The following DLC1 variants were observed in gnomAD, a reference collection of about 807,000 sequenced individuals.
DLC1 encodes rho GTPase-activating protein 7.
A neutral mutation model predicts 140.3 loss-of-function variants in DLC1; 54 were observed. The observed-to-expected ratio is 0.38, with a 90% CI of 0.31 to 0.48. The LOEUF (loss-of-function observed/expected upper bound fraction) is 0.48. DLC1 is among the 20% of genes least tolerant of loss of function. The pLI, the probability that DLC1 is intolerant of heterozygous loss-of-function variation, is 0.96. For missense variants in DLC1, 2,536 were observed against 1,907.0 expected (o/e 1.33, Z -6.14); for synonymous variants, 986 against 728.1 (o/e 1.35, Z -5.70).
At chr8:13,376,446 C>G (rs935005843) in intron 4 of DLC1, among the ~76,000 whole-genome samples, 1 of 152,110 alleles carries the variant, frequency 6.6e-6, no homozygotes, top group Non-Finnish European at 1.5e-5. Flanking sequence ...GGAATCCCAC[C>G]CATCTATGAG....
rs561426140 is a variant in DLC1, at chr8:13,545,300, A to G, written c.-125-45104T>C. 3.3e-5 allele frequency among the ~76,000 whole-genome samples: 5 copies of G among 150,470 alleles called. No homozygotes were observed. The South Asian group carries it at 1.0e-3, about 31-fold the overall frequency. On this transcript the variant is annotated intron_variant, in intron 1 of 1. Transcript: ENST00000631382. ...GAGGTCTATAATGTAAAGATCTTAT[A>G]CTATATATATATGCTACTATATATA...
At chr8:13,562,928 A>G (rs2117385634) in intron 1 of DLC1, among the ~76,000 whole-genome samples, 1 of 152,238 alleles carries the variant, frequency 6.6e-6, no homozygotes, top group Admixed American at 6.5e-5. Context: ...AAAACGCCAT[A>G]AAGCAATGTG....
At chr8:13,234,958 G>A (rs1463184460) in intron 5 of DLC1, among the ~76,000 whole-genome samples, 1 of 152,072 alleles carries the variant, frequency 6.6e-6, no homozygotes, top group Non-Finnish European at 1.5e-5. Flanking sequence ...AAAGTATGGA[G>A]AGCAAAGACT....
intron 5 of DLC1, among the ~76,000 whole-genome samples, chr8:13,277,935 A>G (rs1831232891): frequency 6.6e-6 from 1 of 152,246 alleles, no homozygotes; most frequent in African/African-American, 2.4e-5. Flanking sequence ...TACAACACGC[A>G]TTATTTTCAC....
At chr8:13,379,730 G>A (rs1836167636) in intron 4 of DLC1, among the ~76,000 whole-genome samples, 1 of 152,080 alleles carries the variant, frequency 6.6e-6, no homozygotes, top group Non-Finnish European at 1.5e-5. Flanking sequence ...GTGGTTTTCT[G>A]TACGCATCAA....
intron 2 of DLC1, among the ~76,000 whole-genome samples, chr8:13,482,667 T>C (rs1800790265): frequency 1.3e-5 from 2 of 152,200 alleles, no homozygotes; most frequent in Non-Finnish European, 2.9e-5. Context: ...GAACTTAAGA[T>C]AAGTCAATAT....
At chr8:13,187,018 T>C (rs1179110775) in intron 5 of DLC1, among the ~76,000 whole-genome samples, 1 of 152,152 alleles carries the variant, frequency 6.6e-6, no homozygotes, top group Non-Finnish European at 1.5e-5. Context: ...ACAGCAAATA[T>C]TGCTTCCTGA....
At chr8:13,242,626 C>CA (rs1829589441) in intron 5 of DLC1, among the ~76,000 whole-genome samples, 1 of 152,064 alleles carries the variant, frequency 6.6e-6, no homozygotes, top group Non-Finnish European at 1.5e-5. Context: ...CTCCTGGGCT[C>CA]AAGCGATTCT....
chr8:13,138,361 G>A (rs1030784780), intron 5 of DLC1, among the ~76,000 whole-genome samples: 4 of 152,096 alleles, frequency 2.6e-5, no homozygotes, highest in African/African-American at 9.7e-5. Context: ...TTAGATGCTG[G>A]CAACTAATTT....
At chr8:13,300,822 G>C (rs56207159) in intron 5 of DLC1, among the ~76,000 whole-genome samples, 1 of 152,192 alleles carries the variant, frequency 6.6e-6, no homozygotes, top group Admixed American at 6.5e-5. Context: ...GACATGATCA[G>C]GTTATATATT....
intron 2 of DLC1, among the ~76,000 whole-genome samples, chr8:13,461,230 A>G (rs1228585939): frequency 6.6e-6 from 1 of 152,238 alleles, no homozygotes; most frequent in African/African-American, 2.4e-5. Flanking sequence ...ACAGCAAAAT[A>G]TGTGTAGGAA....
chr8:13,108,497 A>T (rs559337866), intron 7 of DLC1, among the ~76,000 whole-genome samples: 1 of 152,320 alleles, frequency 6.6e-6, no homozygotes, highest in South Asian at 2.1e-4. Flanking sequence ...CTCAAAAGGT[A>T]CTCAGAGCCA....
Position 13,409,218 on chromosome 8 carries a change from C to T in DLC1, c.1024-7599G>A, listed in dbSNP as rs1397377988. Reference sequence around the variant, plus strand: ...AGCTGCATTTTAAATATTGTATATACATGGTATATAATACATAAATAATCT... The same window carrying T: ...AGCTGCATTTTAAATATTGTATATATATGGTATATAATACATAAATAATCT... On this transcript the variant is annotated intron_variant, in intron 2 of 17. Coordinates refer to ENST00000276297, the MANE Select transcript of DLC1 (RefSeq NM_182643.3). Among the ~76,000 whole-genome samples, 5 of 152,156 alleles carry T rather than the reference C, an allele frequency of 3.3e-5. No homozygotes were observed. In the South Asian group the frequency reaches 8.3e-4, roughly 25 times the overall value.
intron 2 of DLC1, among the ~76,000 whole-genome samples, chr8:13,416,143 C>G (rs1219910645): frequency 6.6e-6 from 1 of 152,108 alleles, no homozygotes; most frequent in African/African-American, 2.4e-5. Flanking sequence ...TCTAGGGGTC[C>G]CATGTTATTC....
intron 2 of DLC1, among the ~76,000 whole-genome samples, chr8:13,455,362 G>T (rs1371111335): frequency 6.6e-6 from 1 of 152,070 alleles, no homozygotes; most frequent in African/African-American, 2.4e-5. Context: ...AGCACTCCAA[G>T]TGTCCCATGA....
chr8:13,497,153 A>G (rs1256873468), intron 2 of DLC1, among the ~76,000 whole-genome samples: 2 of 152,110 alleles, frequency 1.3e-5, no homozygotes, highest in Non-Finnish European at 2.9e-5. Context: ...TCTTTCAGTA[A>G]CATGCAATAT....
chr8:13,299,145 G>GAA (rs535848788), intron 5 of DLC1, among the ~76,000 whole-genome samples: 62 of 144,544 alleles, frequency 4.3e-4, no homozygotes, highest in African/African-American at 1.4e-3. Context: ...CATTTACTTT[G>GAA]AAAAAAAAAA....
chr8:13,543,866 G>A (rs1241717063), intron 1 of DLC1, among the ~76,000 whole-genome samples: 2 of 151,982 alleles, frequency 1.3e-5, no homozygotes, highest in Non-Finnish European at 2.9e-5. Context: ...TGGGAAGTGA[G>A]GGATGAAACA....
intron 5 of DLC1, among the ~76,000 whole-genome samples, chr8:13,292,158 T>C (rs925236825): frequency 6.6e-6 from 1 of 152,232 alleles, no homozygotes; most frequent in Non-Finnish European, 1.5e-5. Context: ...ATGGGAATGC[T>C]GTTGGAATGC....
Sources: allele counts gnomAD v4.1 joint callset (sites outside exome capture counted in the v4.1 genomes callset), GRCh38; gene constraint gnomAD v4.1.1; transcripts MANE v1.5; gene names NCBI Gene and HGNC (gene_info 2026-07-23, HGNC 2026-07-21).